TPD52: variants seen among roughly 807,000 people sequenced by gnomAD.
The protein encoded by TPD52 is prostate and colon associated protein.
Under a neutral mutation model 31.3 loss-of-function variants are expected in TPD52, and 17 were observed. The ratio of observed to expected loss-of-function variants is 0.54; its 90% CI spans 0.37 to 0.82. The LOEUF is 0.82. TPD52 is among the 40% of genes least tolerant of loss of function. TPD52 has a pLI of 0.00. For missense variants in TPD52, 212 were observed against 240.1 expected, an observed-to-expected ratio of 0.88 and a Z score of 0.77; for synonymous variants, 83 against 89.6, an observed-to-expected ratio of 0.93 and a Z score of 0.42.
rs548248712 is a variant in TPD52, at chr8:80,081,563, C to T, written c.20-16970G>A. ...CAGTGTTCTAATCTAATCTAAAAGG[C>T]GGTTTTCAAATCTAAAAAAAAAGAG... On this transcript the variant is annotated intron_variant, in intron 1 of 7. Coordinates refer to ENST00000518937, the MANE Select transcript of TPD52 (RefSeq NM_001025253.3). Among the ~76,000 whole-genome samples, 942 of 151,306 alleles carry T rather than the reference C, an allele frequency of 6.2e-3. 15 individuals carry two copies. The highest frequency in any genetic ancestry group is 4.3e-3 in the Non-Finnish European group (289 of 67,974).
intron 1 of TPD52, among the ~76,000 whole-genome samples, chr8:80,153,678 T>C (rs956884384): frequency 2.0e-5 from 3 of 152,240 alleles, no homozygotes; most frequent in East Asian, 1.9e-4. Context: ...ATAAGAGCTC[T>C]CTATATTATG....
chr8:80,107,603 C>T (rs1034737733), intron 1 of TPD52, among the ~76,000 whole-genome samples: 1 of 152,136 alleles, frequency 6.6e-6, no homozygotes, highest in Non-Finnish European at 1.5e-5. Flanking sequence ...TATATACACA[C>T]ACATATGTGA....
intron 1 of TPD52, among the ~76,000 whole-genome samples, chr8:80,140,510 A>G (rs1449879837): frequency 6.6e-6 from 1 of 152,218 alleles, no homozygotes; most frequent in African/African-American, 2.4e-5. Context: ...CAAGCCATTA[A>G]TGACCTGAAA....
chr8:80,100,462 C>T (rs1453278161), intron 1 of TPD52, among the ~76,000 whole-genome samples: 1 of 152,238 alleles, frequency 6.6e-6, no homozygotes, highest in Non-Finnish European at 1.5e-5. Context: ...GTTTTCGGAA[C>T]AGAAACTAGA....
At chr8:80,142,301 G>A (rs569956274) in intron 1 of TPD52, among the ~76,000 whole-genome samples, 43 of 152,272 alleles carry the variant, frequency 2.8e-4, no homozygotes, top group Admixed American at 4.6e-4. Context: ...CATCTACCCC[G>A]TACCTGTGTA....
intron 1 of TPD52, among the ~76,000 whole-genome samples, chr8:80,068,884 G>A (rs1813450077): frequency 6.6e-6 from 1 of 152,198 alleles, no homozygotes; most frequent in Non-Finnish European, 1.5e-5. Flanking sequence ...ATTGTGACAT[G>A]GTTATCACCT....
intron 1 of TPD52, among the ~76,000 whole-genome samples, chr8:80,120,459 C>T (rs914052347): frequency 9.9e-5 from 15 of 150,908 alleles, no homozygotes; most frequent in Non-Finnish European, 5.9e-5. Context: ...CCAGCCTGAG[C>T]GACAGAGCAA....
At chr8:80,048,474 C>T (rs1462991923) in intron 5 of TPD52, among the ~76,000 whole-genome samples, 1 of 152,186 alleles carries the variant, frequency 6.6e-6, no homozygotes, top group Non-Finnish European at 1.5e-5. Flanking sequence ...TAACCACCTA[C>T]TTCATAGCAC....
At chr8:80,055,623 C>A (rs1162216843) in intron 2 of TPD52, among the ~76,000 whole-genome samples, 1 of 152,084 alleles carries the variant, frequency 6.6e-6, no homozygotes, top group Non-Finnish European at 1.5e-5. Flanking sequence ...TGGGAGAGAA[C>A]ATTTGCAAAC....
intron 1 of TPD52, among the ~76,000 whole-genome samples, chr8:80,138,725 T>C (rs1041637724): frequency 4.6e-5 from 7 of 152,164 alleles, no homozygotes; most frequent in East Asian, 3.9e-4. Context: ...TGGTTCCTAA[T>C]TGAGCTCTTC....
At chr8:80,091,144 T>C (rs1416438932) in intron 1 of TPD52, among the ~76,000 whole-genome samples, 1 of 152,152 alleles carries the variant, frequency 6.6e-6, no homozygotes, top group Non-Finnish European at 1.5e-5. Context: ...GCCTGAATTC[T>C]CTATCACAAG....
intron 1 of TPD52, among the ~76,000 whole-genome samples, chr8:80,125,606 T>C (rs1486839606): frequency 6.6e-6 from 1 of 152,026 alleles, no homozygotes; most frequent in Non-Finnish European, 1.5e-5. Flanking sequence ...CAACCTAAGA[T>C]GCCACTGACT....
chr8:80,120,912 C>T lies in TPD52; in HGVS notation c.19+50513G>A, dbSNP rs144797451. Reference sequence around the variant, plus strand: ...CAGGCCAAGATGGTGAAACCCCCATCTCTAATAAAATTTCAAAAAATTAGC... The same window carrying T: ...CAGGCCAAGATGGTGAAACCCCCATTTCTAATAAAATTTCAAAAAATTAGC... On this transcript the variant is annotated intron_variant, in intron 1 of 7. Transcript: ENST00000518937. Among the ~76,000 whole-genome samples the T allele has an allele frequency of 2.3e-3, 343 of 152,070 alleles. 2 individuals are homozygous for T. The highest frequency in any genetic ancestry group is 8.1e-3 in the African/African-American group (335 of 41,488).
At chr8:80,095,879 C>T (rs543637242) in intron 1 of TPD52, among the ~76,000 whole-genome samples, 3 of 152,230 alleles carry the variant, frequency 2.0e-5, no homozygotes, top group East Asian at 1.9e-4. Context: ...ACCCAGGAGG[C>T]GGAGGTTTCA....
chr8:80,103,250 G>A (rs189358151), intron 1 of TPD52, among the ~76,000 whole-genome samples: 3 of 152,260 alleles, frequency 2.0e-5, no homozygotes, highest in East Asian at 1.9e-4. Flanking sequence ...CTTTAAATTC[G>A]TGTGTGAACA....
chr8:80,156,703 G>C (rs1810995376), intron 1 of TPD52, among the ~76,000 whole-genome samples: 1 of 152,172 alleles, frequency 6.6e-6, no homozygotes, highest in Admixed American at 6.5e-5. Flanking sequence ...GAACATCTCA[G>C]GGGGAAAGGA....
At chr8:80,092,989 G>C (rs1291466487) in intron 1 of TPD52, among the ~76,000 whole-genome samples, 2 of 152,022 alleles carry the variant, frequency 1.3e-5, no homozygotes, top group Non-Finnish European at 2.9e-5. Context: ...CATATATTTT[G>C]TCTCAATTAA....
intron 1 of TPD52, among the ~76,000 whole-genome samples, chr8:80,161,441 G>C (rs1811354181): frequency 6.6e-6 from 1 of 152,136 alleles, no homozygotes; most frequent in African/African-American, 2.4e-5. Context: ...TGCAATATGA[G>C]AAATATTTAT....
At chr8:80,139,281 TA>T (rs1809651449) in intron 1 of TPD52, among the ~76,000 whole-genome samples, 1 of 152,344 alleles carries the variant, frequency 6.6e-6, no homozygotes, top group South Asian at 2.1e-4. Context: ...TAAAATCCAC[TA>T]TTTTTTTATA....
Sources: gnomAD v4.1 joint callset for allele counts (sites outside exome capture counted in the v4.1 genomes callset) on GRCh38, gnomAD v4.1.1 for gene constraint, MANE v1.5 for transcripts, NCBI Gene and HGNC (gene_info 2026-07-23, HGNC 2026-07-21) for gene names.